CEP104: variants seen among roughly 807,000 people sequenced by gnomAD.
CEP104 encodes the protein centrosomal protein of 104 kDa.
CEP104 carries 84 observed loss-of-function variants against 113.3 expected under a neutral mutation model. The ratio of observed to expected loss-of-function variants is 0.74; its 90% CI spans 0.62 to 0.89. The LOEUF is 0.89. Ranked by LOEUF, CEP104 falls within the 40% of genes least tolerant of loss-of-function variation. CEP104 has a pLI of 0.00. For missense variants in CEP104, 1,053 were observed against 1,156.6 expected, an observed-to-expected ratio of 0.91 and a Z score of 1.30; for synonymous variants, 378 against 421.7, an observed-to-expected ratio of 0.90 and a Z score of 1.27.
At chr1:3,820,166 G>A (rs1258072817) in intron 20 of CEP104, among the ~76,000 whole-genome samples, 1 of 152,174 alleles carries the variant, frequency 6.6e-6, no homozygotes, top group African/African-American at 2.4e-5. Flanking sequence ...AGCCTTACAG[G>A]TACTACCTGT....
At chr1:3,829,678 G>A in intron 14 of CEP104, 113 bp downstream of exon 14, 1 of 1,142,658 alleles carries the variant, frequency 8.8e-7, no homozygotes, top group Non-Finnish European at 1.3e-6. Flanking sequence ...GGACGCCGGG[G>A]CTTCCCATAC....
chr1:3,843,800 C>G (rs1185158941), intron 6 of CEP104, among the ~76,000 whole-genome samples: 1 of 151,090 alleles, frequency 6.6e-6, no homozygotes. Context: ...CTTGCTCTAT[C>G]GCCCAGGTTG....
At chr1:3,853,627 G>C (rs1309273450) in intron 1 of CEP104, among the ~76,000 whole-genome samples, 1 of 152,006 alleles carries the variant, frequency 6.6e-6, no homozygotes. Context: ...ATTAATTATT[G>C]GCTGGCATTA....
rs568253690 is a variant in CEP104, at chr1:3,836,580, C to A, written c.1232G>T (p.Gly411Val). 2 of 1,612,202 alleles carry A rather than the reference C, an allele frequency of 1.2e-6. No individual in the cohort carries two copies. The highest frequency in any genetic ancestry group is 2.2e-5 in the South Asian group (2 of 90,992). ...SNADISDARR[G>V]GMLGEPEPLT... Reference sequence around the variant, plus strand: ...GGGCTCTGGCTCCCCTAACATGCCTCCCCTCCGAGCATCGCTGATGTCTGC... The same window carrying A: ...GGGCTCTGGCTCCCCTAACATGCCTACCCTCCGAGCATCGCTGATGTCTGC... The change falls in exon 10 of 22, where the codon GGA becomes GTA. Residue 411 changes from glycine (G) to valine (V), a missense_variant. Gly to Val is a moderately radical substitution (Grantham distance 109, BLOSUM62 -3). Coordinates refer to ENST00000378230, the MANE Select transcript of CEP104 (RefSeq NM_014704.4).
intron 1 of CEP104, among the ~76,000 whole-genome samples, chr1:3,854,304 A>C (rs1454617000): frequency 3.3e-5 from 5 of 150,672 alleles, no homozygotes; most frequent in Admixed American, 2.6e-4. Context: ...AGTCATCTCC[A>C]TCCATGTCCT....
chr1:3,847,374 A>ATAAGAGAGGATCTCTTC, intron 4 of CEP104, 101 bp downstream of exon 4: 1 of 1,178,882 alleles, frequency 8.5e-7, no homozygotes, highest in Non-Finnish European at 1.2e-6. Context: ...ATCCTCTCTT[A>ATAAGAGAGGATCTCTTC]TAAGATCACC....
intron 6 of CEP104, among the ~76,000 whole-genome samples, chr1:3,841,261 T>A (rs1644406327): frequency 6.6e-6 from 1 of 152,148 alleles, no homozygotes; most frequent in Non-Finnish European, 1.5e-5. Context: ...GGCATAGGAA[T>A]AGGCCCCCTT....
At chr1:3,825,966 C>T in intron 17 of CEP104, 100 bp from the exon 18 acceptor site, 2 of 822,240 alleles carry the variant, frequency 2.4e-6, no homozygotes, top group Non-Finnish European at 2.0e-6. Context: ...TCCCCAGTCC[C>T]TGTGATGTGT....
At chr1:3,821,241 C>T (rs1451654404) in intron 20 of CEP104, among the ~76,000 whole-genome samples, 1 of 152,232 alleles carries the variant, frequency 6.6e-6, no homozygotes, top group African/African-American at 2.4e-5. Context: ...CTCAGGAGCC[C>T]AGCTGAAGAG....
chr1:3,833,602 T>C (rs1327881952), intron 12 of CEP104: 1 of 356,616 alleles, frequency 2.8e-6, no homozygotes, highest in Non-Finnish European at 5.0e-6. Flanking sequence ...TCATTTTCTG[T>C]GTGTTTTTAT....
chr1:3,848,595 A>C lies in CEP104; in HGVS notation c.287+13T>G. On this transcript the variant is annotated intron_variant, in intron 3 of 21. Coordinates refer to ENST00000378230, the MANE Select transcript of CEP104 (RefSeq NM_014704.4). ...TAAAAGCTGCCATGATACATTTTAA[A>C]TTTCATTCTTACCCAAGTCTTCGAA... The C allele has an allele frequency of 6.3e-7, 1 of 1,595,474 alleles. No homozygotes were observed. The highest frequency in any genetic ancestry group is 8.5e-7 in the Non-Finnish European group (1 of 1,172,634).
chr1:3,826,766 G>A (rs1396247119), intron 15 of CEP104, 22 bp from the exon 16 acceptor site: 1 of 1,612,774 alleles, frequency 6.2e-7, no homozygotes, highest in Admixed American at 1.7e-5. Context: ...AAACAGTGAG[G>A]TCAGGGGCAA....
At chr1:3,846,540 T>C (rs144326807) in intron 4 of CEP104, among the ~76,000 whole-genome samples, 4 of 152,336 alleles carry the variant, frequency 2.6e-5, no homozygotes, top group African/African-American at 9.6e-5. Flanking sequence ...TAATCTATTA[T>C]TTAAAAATCT....
chr1:3,813,570 C>A lies in CEP104; in HGVS notation c.*1832G>T, dbSNP rs538810843. On this transcript the variant is annotated 3_prime_UTR_variant, in exon 22 of 22. Transcript: ENST00000378230. The stretch of plus-strand genomic sequence containing the variant: ...CCTCTCTCCTTATAAACACATTTAA[C>A]CTGGGCGTGGTGGCTCACGCCTGTA... 5 of 148,344 alleles carry A rather than the reference C, an allele frequency of 3.4e-5. No homozygotes were observed. The highest frequency in any genetic ancestry group is 2.3e-4 in the South Asian group (1 of 4,366). The allele number at this position is 148,344 out of a possible 1,614,324, so 9.2% of individuals were successfully genotyped here.
intron 2 of CEP104, 63 bp downstream of exon 2, chr1:3,852,232 T>C: frequency 1.3e-6 from 2 of 1,530,662 alleles, no homozygotes; most frequent in Non-Finnish European, 8.8e-7. Context: ...AAGGAGCCCC[T>C]GTACCCTCCT....
chr1:3,833,353 TC>T (rs1644252765), intron 12 of CEP104, among the ~76,000 whole-genome samples: 1 of 152,140 alleles, frequency 6.6e-6, no homozygotes, highest in South Asian at 2.1e-4. Flanking sequence ...TTCATAAGCT[TC>T]TTAAGCCCAA....
At chr1:3,824,724 C>T (rs1644049883) in intron 18 of CEP104, among the ~76,000 whole-genome samples, 1 of 151,816 alleles carries the variant, frequency 6.6e-6, no homozygotes, top group Admixed American at 6.6e-5. Context: ...AGGACAGGCA[C>T]TCCACCTCAT....
In CEP104 at chr1:3,816,296, G is replaced by T; in HGVS notation, c.2646C>A (p.Ala882=). The T allele has an allele frequency of 1.9e-6, 3 of 1,552,684 alleles. No homozygotes were observed. Among genetic ancestry groups the T allele is most frequent in the Non-Finnish European group, 2.6e-6 (3 of 1,147,514 alleles). ...NLRKTHILQK[A]PALQPGKSSA... ...GTCCCTCACCTGGCTGCAGTGCCGG[G>T]GCCTTCTGCAGAATGTGTGTCTTGC... Residue 882 remains alanine, a synonymous_variant, in exon 21 of 22, where the codon GCC becomes GCA. Coordinates refer to ENST00000378230, the MANE Select transcript of CEP104 (RefSeq NM_014704.4).
At chr1:3,837,787 G>A (rs1644343170) in intron 8 of CEP104, among the ~76,000 whole-genome samples, 1 of 152,236 alleles carries the variant, frequency 6.6e-6, no homozygotes, top group African/African-American at 2.4e-5. Flanking sequence ...GCTAGTGAAG[G>A]AATGAGCATT....
Sources: allele counts gnomAD v4.1 joint callset (sites outside exome capture counted in the v4.1 genomes callset), GRCh38; gene constraint gnomAD v4.1.1; transcripts MANE v1.5; gene names NCBI Gene and HGNC (gene_info 2026-07-23, HGNC 2026-07-21).